The following FBXL17 variants were observed in gnomAD, a reference collection of about 807,000 sequenced individuals.
The protein encoded by FBXL17 is F-box/LRR-repeat protein 17.
Under a neutral mutation model 66.2 loss-of-function variants are expected in FBXL17, and 22 were observed. The ratio of observed to expected loss-of-function variants is 0.33; its 90% CI spans 0.24 to 0.47. FBXL17 has a LOEUF of 0.47. Ranked by LOEUF, FBXL17 falls within the 20% of genes least tolerant of loss-of-function variation. The probability of loss-of-function intolerance (pLI) is 1.00; values close to 1 mark genes in which losing one functional copy is unlikely to be tolerated. For missense variants in FBXL17, 878 were observed against 948.2 expected (o/e 0.93, Z 0.97); for synonymous variants, 474 against 400.5 (o/e 1.18, Z -2.19).
intron 4 of FBXL17, among the ~76,000 whole-genome samples, chr5:108,277,136 AGTTAT>A (rs947596434): frequency 2.0e-5 from 3 of 152,084 alleles, no homozygotes; most frequent in African/African-American, 7.2e-5. Context: ...TTTTATATAG[AGTTAT>A]GTTAACTATG....
At chr5:108,109,067 G>C (rs1749928891) in intron 6 of FBXL17, among the ~76,000 whole-genome samples, 1 of 152,090 alleles carries the variant, frequency 6.6e-6, no homozygotes, top group African/African-American at 2.4e-5. Flanking sequence ...ACAGGCGTGA[G>C]CCACTGCGCC....
At chr5:108,165,307 A>G (rs908071811) in intron 6 of FBXL17, among the ~76,000 whole-genome samples, 1 of 141,810 alleles carries the variant, frequency 7.1e-6, no homozygotes, top group African/African-American at 2.5e-5. Flanking sequence ...TAAGTTACAC[A>G]TGGATATGCA....
intron 7 of FBXL17, among the ~76,000 whole-genome samples, chr5:107,999,921 G>A (rs1346346938): frequency 6.6e-6 from 1 of 152,162 alleles, no homozygotes; most frequent in Non-Finnish European, 1.5e-5. Context: ...CACCAATTAA[G>A]AACAAGTAGA....
At chr5:108,206,023 G>A (rs1187033952) in intron 5 of FBXL17, among the ~76,000 whole-genome samples, 2 of 152,098 alleles carry the variant, frequency 1.3e-5, no homozygotes, top group Non-Finnish European at 2.9e-5. Context: ...ATTGATCAGT[G>A]AGTTAAATGC....
chr5:108,296,718 C>T (rs992800619), intron 4 of FBXL17, among the ~76,000 whole-genome samples: 2 of 151,482 alleles, frequency 1.3e-5, no homozygotes, highest in Admixed American at 6.6e-5. Flanking sequence ...TTGCTTTGCT[C>T]TGAGAAAATA....
intron 4 of FBXL17, among the ~76,000 whole-genome samples, chr5:108,315,717 C>T (rs1759332024): frequency 6.6e-6 from 1 of 151,316 alleles, no homozygotes; most frequent in South Asian, 2.1e-4. Flanking sequence ...ACAAAGAATT[C>T]CCAAACAAAA....
In FBXL17 at chr5:107,896,876, C is replaced by T. The variant is rs143830351; in HGVS notation, c.1823-15697G>A. On this transcript the variant is annotated intron_variant, in intron 7 of 8. Coordinates refer to ENST00000542267, the MANE Select transcript of FBXL17 (RefSeq NM_001163315.3). ...TTGGCATTTTTTTTGTGAAATACTA[C>T]ACATTTTTATCTCGTATTGAAAATA... is the stretch of plus-strand genomic sequence containing the variant. Among the ~76,000 whole-genome samples, 794 of 151,874 alleles carry T rather than the reference C, an allele frequency of 5.2e-3. 1 individual carries two copies. The highest frequency in any genetic ancestry group is 8.1e-3 in the Non-Finnish European group (550 of 67,970).
intron 8 of FBXL17, among the ~76,000 whole-genome samples, chr5:107,869,557 A>G (rs543066516): frequency 3.9e-5 from 6 of 152,224 alleles, no homozygotes; most frequent in African/African-American, 1.4e-4. Context: ...TGATATATTG[A>G]TTTTTCCAGG....
At chr5:108,157,876 T>C (rs1176478084) in intron 6 of FBXL17, among the ~76,000 whole-genome samples, 2 of 152,068 alleles carry the variant, frequency 1.3e-5, no homozygotes, top group Non-Finnish European at 2.9e-5. Flanking sequence ...CAGACAATGG[T>C]AACTTTCCAT....
intron 7 of FBXL17, among the ~76,000 whole-genome samples, chr5:108,017,048 G>T (rs1754417175): frequency 6.6e-6 from 1 of 152,036 alleles, no homozygotes; most frequent in Admixed American, 6.6e-5. Flanking sequence ...CAAAGTGCTG[G>T]GATTACAGGG....
intron 1 of FBXL17, among the ~76,000 whole-genome samples, chr5:108,372,927 T>C (rs767354232): frequency 1.3e-5 from 2 of 152,176 alleles, no homozygotes; most frequent in African/African-American, 2.4e-5. Context: ...TGCTATATGA[T>C]TTAAAAGACT....
chr5:108,228,252 G>T (rs1755182188), intron 4 of FBXL17, among the ~76,000 whole-genome samples: 1 of 152,148 alleles, frequency 6.6e-6, no homozygotes, highest in Non-Finnish European at 1.5e-5. Flanking sequence ...AAAGGGCCTT[G>T]AAGATTTGGG....
At chr5:108,371,296 C>G (rs1265448952) in intron 1 of FBXL17, among the ~76,000 whole-genome samples, 2 of 152,180 alleles carry the variant, frequency 1.3e-5, no homozygotes, top group Non-Finnish European at 2.9e-5. Flanking sequence ...ACAAAGAATT[C>G]CCACTACTGT....
At chr5:108,196,983 T>C (rs2150044514) in intron 5 of FBXL17, among the ~76,000 whole-genome samples, 1 of 152,302 alleles carries the variant, frequency 6.6e-6, no homozygotes, top group East Asian at 1.9e-4. Context: ...GCTGCAGAAA[T>C]GTGAATTTGT....
chr5:108,128,448 T>C (rs1219339943), intron 6 of FBXL17, among the ~76,000 whole-genome samples: 1 of 152,086 alleles, frequency 6.6e-6, no homozygotes, highest in Admixed American at 6.5e-5. Flanking sequence ...TCAGTTTCAG[T>C]ACCAAAAATG....
At chr5:108,093,537 A>T (rs923172066) in intron 6 of FBXL17, among the ~76,000 whole-genome samples, 7 of 152,228 alleles carry the variant, frequency 4.6e-5, no homozygotes, top group Non-Finnish European at 1.0e-4. Context: ...AAGGTAATTT[A>T]CACTACTAGA....
chr5:108,060,962 C>T (rs1362282935), intron 6 of FBXL17, among the ~76,000 whole-genome samples: 1 of 152,088 alleles, frequency 6.6e-6, no homozygotes, highest in Non-Finnish European at 1.5e-5. Flanking sequence ...AGACATCTTG[C>T]CAGCAAGATG....
intron 7 of FBXL17, among the ~76,000 whole-genome samples, chr5:107,952,898 A>G (rs1234173316): frequency 6.6e-6 from 1 of 152,178 alleles, no homozygotes; most frequent in East Asian, 1.9e-4. Flanking sequence ...GGGGAAATCT[A>G]TATCTATATA....
At chr5:108,052,793 A>G (rs906969258) in intron 6 of FBXL17, among the ~76,000 whole-genome samples, 1 of 152,216 alleles carries the variant, frequency 6.6e-6, no homozygotes, top group Non-Finnish European at 1.5e-5. Context: ...CTGAATTCAA[A>G]CTAAACTACA....
Sources: gnomAD v4.1 joint callset for allele counts (sites outside exome capture counted in the v4.1 genomes callset) on GRCh38, gnomAD v4.1.1 for gene constraint, MANE v1.5 for transcripts, NCBI Gene and HGNC (gene_info 2026-07-23, HGNC 2026-07-21) for gene names.